PPP1R9A: variants seen among roughly 807,000 people sequenced by gnomAD.
PPP1R9A encodes neurabin-1.
Under a neutral mutation model 141.9 loss-of-function variants are expected in PPP1R9A, and 59 were observed. That is an observed-to-expected ratio of 0.42 (90% CI 0.34 to 0.52). The LOEUF (loss-of-function observed/expected upper bound fraction) is 0.52. Among genes scored for constraint, PPP1R9A ranks in the 20% least tolerant of loss-of-function variants. The pLI, the probability that PPP1R9A is intolerant of heterozygous loss-of-function variation, is 0.10. For missense variants in PPP1R9A, 1,444 were observed against 1,611.9 expected, an observed-to-expected ratio of 0.90 and a Z score of 1.78; for synonymous variants, 500 against 569.7, an observed-to-expected ratio of 0.88 and a Z score of 1.74.
Position 94,911,324 on chromosome 7 carries a change from A to T in PPP1R9A, c.1211A>T (p.Tyr404Phe), listed in dbSNP as rs761074322. 5.0e-5 allele frequency: 81 copies of T among 1,614,048 alleles called. No individual in the cohort carries two copies. Among genetic ancestry groups the T allele is most frequent in the Non-Finnish European group, 6.7e-5 (79 of 1,180,036 alleles). ...HVYMHSDYNV[Y>F]RVRSRYNSDW... is the part of the protein sequence containing the mutation. ...TACATGCACAGTGACTATAATGTGT[A>T]TAGGGTGAGATCCAGGTATAATTCA... is the stretch of plus-strand genomic sequence containing the variant. The change falls in exon 2 of 20, where the codon TAT (tyrosine) becomes TTT (phenylalanine). Residue 404 changes from tyrosine (Y) to phenylalanine (F), a missense_variant. Physicochemically the swap from Tyr to Phe is conservative, Grantham distance 22. Transcript: ENST00000433360.
At chr7:95,029,294 GTTA>G (rs945943146) in intron 2 of PPP1R9A, among the ~76,000 whole-genome samples, 2 of 152,048 alleles carry the variant, frequency 1.3e-5, no homozygotes, top group South Asian at 2.1e-4. Context: ...TATTGTTATT[GTTA>G]TTATTGTTGT....
intron 2 of PPP1R9A, among the ~76,000 whole-genome samples, chr7:94,997,472 C>T (rs1387328506): frequency 6.6e-6 from 1 of 152,026 alleles, no homozygotes; most frequent in Non-Finnish European, 1.5e-5. Context: ...ATCAAAACTT[C>T]GTTATAGTGG....
At chr7:95,037,364 C>T (rs759777141) in intron 2 of PPP1R9A, among the ~76,000 whole-genome samples, 4 of 152,050 alleles carry the variant, frequency 2.6e-5, no homozygotes, top group Non-Finnish European at 4.4e-5. Context: ...TTAGTGATTA[C>T]ATTCATAAAT....
At chr7:95,181,521 C>G (rs578038415) in intron 5 of PPP1R9A, among the ~76,000 whole-genome samples, 2 of 128,056 alleles carry the variant, frequency 1.6e-5, no homozygotes, top group Non-Finnish European at 3.2e-5. Flanking sequence ...TATATATATT[C>G]CATCATATAT....
chr7:94,993,915 A>G (rs545969033), intron 2 of PPP1R9A, among the ~76,000 whole-genome samples: 51 of 152,308 alleles, frequency 3.3e-4, no homozygotes, highest in Middle Eastern at 3.4e-3. Flanking sequence ...ATGGTGAAGC[A>G]GACATCTTTG....
chr7:95,180,447 C>T (rs534412810), intron 5 of PPP1R9A, among the ~76,000 whole-genome samples: 19 of 152,284 alleles, frequency 1.2e-4, no homozygotes, highest in Non-Finnish European at 2.8e-4. Context: ...AAAAACCCTT[C>T]TAGACATTGG....
chr7:95,215,978 T>G (rs1408645596), intron 7 of PPP1R9A, among the ~76,000 whole-genome samples: 1 of 152,222 alleles, frequency 6.6e-6, no homozygotes, highest in Non-Finnish European at 1.5e-5. Context: ...TTAATTTAAT[T>G]AGATCCCATT....
chr7:95,058,787 TTTTCTTTTC>T (rs1181441000), intron 2 of PPP1R9A, among the ~76,000 whole-genome samples: 1 of 151,594 alleles, frequency 6.6e-6, no homozygotes, highest in Non-Finnish European at 1.5e-5. Flanking sequence ...TTTTCTTTTC[TTTTCTTTTC>T]TTTTTTTTTT....
chr7:95,009,464 G>A (rs1341839657), intron 2 of PPP1R9A, among the ~76,000 whole-genome samples: 29 of 152,182 alleles, frequency 1.9e-4, no homozygotes, highest in Admixed American at 1.9e-3. Flanking sequence ...CCAGTGGCTA[G>A]GTAGTAGGGA....
chr7:95,198,235 A>G, intron 5 of PPP1R9A, 114 bp from the exon 6 acceptor site: 1 of 935,736 alleles, frequency 1.1e-6, no homozygotes, highest in Non-Finnish European at 1.5e-6. Flanking sequence ...TACGTAGGTG[A>G]TATTACTTTC....
At chr7:95,082,042 G>A (rs1815924417) in intron 2 of PPP1R9A, among the ~76,000 whole-genome samples, 1 of 152,086 alleles carries the variant, frequency 6.6e-6, no homozygotes. Context: ...TTTGACCTGT[G>A]TGGTGATTGT....
chr7:95,097,361 C>T (rs183996753), intron 2 of PPP1R9A, among the ~76,000 whole-genome samples: 3 of 152,212 alleles, frequency 2.0e-5, no homozygotes, highest in Admixed American at 1.3e-4. Context: ...ATAGTGCCAA[C>T]CAGTGAGCTG....
chr7:95,090,707 C>T (rs893940413), intron 2 of PPP1R9A, among the ~76,000 whole-genome samples: 2 of 151,748 alleles, frequency 1.3e-5, no homozygotes, highest in Admixed American at 6.6e-5. Flanking sequence ...ACTTGGGAGG[C>T]TAAGGCAGGA....
At chr7:95,133,720 A>G (rs1284062824) in intron 4 of PPP1R9A, among the ~76,000 whole-genome samples, 2 of 152,002 alleles carry the variant, frequency 1.3e-5, no homozygotes, top group African/African-American at 4.8e-5. Context: ...ATTTGGAGAC[A>G]GAGTCTTGCC....
intron 12 of PPP1R9A, among the ~76,000 whole-genome samples, chr7:95,256,723 A>G (rs1180898741): frequency 1.3e-5 from 2 of 152,148 alleles, no homozygotes; most frequent in Non-Finnish European, 2.9e-5. Context: ...AATTGAATAC[A>G]TTAAAAAACT....
intron 2 of PPP1R9A, among the ~76,000 whole-genome samples, chr7:94,971,314 G>T (rs1377232720): frequency 6.6e-6 from 1 of 152,050 alleles, no homozygotes; most frequent in Non-Finnish European, 1.5e-5. Flanking sequence ...TGGGCAAATG[G>T]CATTTTATGA....
intron 6 of PPP1R9A, among the ~76,000 whole-genome samples, chr7:95,200,232 T>A (rs1789241189): frequency 6.6e-6 from 1 of 151,828 alleles, no homozygotes; most frequent in Non-Finnish European, 1.5e-5. Context: ...GAGGCGCTGA[T>A]CACATTCATC....
At chr7:94,961,889 T>A (rs1317640110) in intron 2 of PPP1R9A, among the ~76,000 whole-genome samples, 6 of 151,960 alleles carry the variant, frequency 3.9e-5, no homozygotes, top group East Asian at 1.9e-4. Context: ...CTTATTTTTT[T>A]AATCAATATT....
chr7:95,190,509 C>T (rs1187067726), intron 5 of PPP1R9A, among the ~76,000 whole-genome samples: 1 of 152,156 alleles, frequency 6.6e-6, no homozygotes, highest in Non-Finnish European at 1.5e-5. Context: ...CTGGTTATGC[C>T]AGCAGTAAAG....
Sources: gnomAD v4.1 joint callset for allele counts (sites outside exome capture counted in the v4.1 genomes callset) on GRCh38, gnomAD v4.1.1 for gene constraint, MANE v1.5 for transcripts, NCBI Gene and HGNC (gene_info 2026-07-23, HGNC 2026-07-21) for gene names.